The following PCNX2 variants were observed in gnomAD, a reference collection of about 807,000 sequenced individuals.
The protein encoded by PCNX2 is pecanex-like protein 2.
A neutral mutation model predicts 223.8 loss-of-function variants in PCNX2; 168 were observed. That is an observed-to-expected ratio of 0.75 (90% CI 0.66 to 0.85). The LOEUF is 0.85. Ranked by LOEUF, PCNX2 falls within the 40% of genes least tolerant of loss-of-function variation. The probability of loss-of-function intolerance (pLI) is 0.00; values close to 1 mark genes in which losing one functional copy is unlikely to be tolerated. For synonymous variants in PCNX2, 1,006 were observed against 1,052.6 expected (o/e 0.96, Z 0.86); for missense variants, 2,507 against 2,675.5 (o/e 0.94, Z 1.39).
intron 17 of PCNX2, among the ~76,000 whole-genome samples, chr1:233,174,581 C>A (rs77553530): frequency 0.078 from 11,893 of 151,842 alleles, 677 homozygotes; most frequent in East Asian, 0.31. Context: ...CCAGAAAAAT[C>A]TAGATATTAT....
intron 15 of PCNX2, among the ~76,000 whole-genome samples, chr1:233,187,487 C>CA (rs1464063135): frequency 4.6e-5 from 7 of 152,180 alleles, no homozygotes; most frequent in Non-Finnish European, 8.8e-5. Context: ...CCTCACTCCC[C>CA]ATCAGTCACT....
At chr1:233,025,016 G>A in intron 26 of PCNX2, 130 bp downstream of exon 26, 1 of 1,271,206 alleles carries the variant, frequency 7.9e-7, no homozygotes, top group South Asian at 1.5e-5. Flanking sequence ...TGGTTCCCCA[G>A]ATGGCTGGGT....
chr1:233,016,884 T>TA, intron 27 of PCNX2, 37 bp downstream of exon 27: 4 of 1,583,018 alleles, frequency 2.5e-6, no homozygotes, highest in Non-Finnish European at 2.6e-6. Context: ...TTATTAAACT[T>TA]ACATTCCATG....
At chr1:233,155,067 CAAAAAA>C (rs558141357) in intron 19 of PCNX2, among the ~76,000 whole-genome samples, 4 of 94,996 alleles carry the variant, frequency 4.2e-5, no homozygotes, top group Middle Eastern at 9.0e-3. Context: ...GACTCCGTCT[CAAAAAA>C]AAAAAAAAAA....
At chr1:233,279,358 G>A (rs1426774936) in intron 1 of PCNX2, among the ~76,000 whole-genome samples, 1 of 151,596 alleles carries the variant, frequency 6.6e-6, no homozygotes, top group Non-Finnish European at 1.5e-5. Context: ...GGGATTACAG[G>A]CATGTGCCAC....
the PCNX2 span, among the ~76,000 whole-genome samples, chr1:233,318,555 T>C: frequency 1.2e-3 from 157 of 125,800 alleles, 4 homozygotes; most frequent in East Asian, 0.035. Context: ...CTTTTTCTTT[T>C]TCTTTTTCTT....
intron 17 of PCNX2, among the ~76,000 whole-genome samples, chr1:233,174,022 T>C (rs1679318611): frequency 6.8e-6 from 1 of 147,828 alleles, no homozygotes; most frequent in South Asian, 2.1e-4. Context: ...ACTATTTTGC[T>C]TTTCATTTTA....
At chr1:233,003,449 T>C (rs1251839888) in intron 28 of PCNX2, among the ~76,000 whole-genome samples, 1 of 152,150 alleles carries the variant, frequency 6.6e-6, no homozygotes, top group South Asian at 2.1e-4. Flanking sequence ...AAACCACAAT[T>C]AGATACCATC....
intron 27 of PCNX2, among the ~76,000 whole-genome samples, chr1:233,015,683 ACT>A (rs1670630324): frequency 6.6e-6 from 1 of 151,868 alleles, no homozygotes; most frequent in Admixed American, 6.6e-5. Flanking sequence ...ACAGAGCAAG[ACT>A]CTGTCTCAAA....
At chr1:233,285,660 G>C (rs1490492050) in intron 1 of PCNX2, among the ~76,000 whole-genome samples, 6 of 151,974 alleles carry the variant, frequency 3.9e-5, no homozygotes, top group African/African-American at 1.4e-4. Flanking sequence ...GGGCAACAGA[G>C]AGAGACTCCA....
chr1:233,275,482 C>T (rs892638374), intron 1 of PCNX2, among the ~76,000 whole-genome samples: 7 of 151,924 alleles, frequency 4.6e-5, no homozygotes, highest in Admixed American at 3.9e-4. Context: ...GGATTACAGG[C>T]GTGAGCCACT....
At position 233,145,885 on chromosome 1, in the gene PCNX2, C is replaced by T. The variant is rs114204692; in HGVS notation, c.3518-6030G>A. ...TACTGACGTCCCATGTATGGAATAA[C>T]CATTAGGTGTCTGCCAGACATTGAG... On this transcript the variant is annotated intron_variant, in intron 19 of 33. Transcript: ENST00000258229. Among the ~76,000 whole-genome samples the T allele has an allele frequency of 3.1e-3, 475 of 152,304 alleles. 3 individuals carry two copies. Among genetic ancestry groups the T allele is most frequent in the Non-Finnish European group, 5.6e-3 (379 of 68,020 alleles).
intron 25 of PCNX2, 92 bp downstream of exon 25, chr1:233,054,175 TC>T: frequency 1.7e-6 from 2 of 1,161,370 alleles, no homozygotes; most frequent in Middle Eastern, 2.5e-4. Context: ...ATTAAGTTTT[TC>T]CTGTTTAACA....
the PCNX2 span, among the ~76,000 whole-genome samples, chr1:233,309,543 A>AATAATAAT: frequency 6.8e-6 from 1 of 146,640 alleles, no homozygotes; most frequent in Non-Finnish European, 1.5e-5. Context: ...TCCCTCAAAA[A>AATAATAAT]AATAATAATA....
chr1:233,259,533 T>A (rs1212682453), intron 4 of PCNX2, among the ~76,000 whole-genome samples, 189 bp from the exon 5 acceptor site: 1 of 152,224 alleles, frequency 6.6e-6, no homozygotes, highest in Admixed American at 6.5e-5. Context: ...GGTATACATG[T>A]ACCATGGTGG....
intron 25 of PCNX2, among the ~76,000 whole-genome samples, chr1:233,040,379 C>T (rs1332855001): frequency 1.3e-5 from 2 of 152,182 alleles, no homozygotes; most frequent in Non-Finnish European, 2.9e-5. Context: ...GCTGCTTTAC[C>T]GCATGCAGTT....
chr1:233,288,588 A>G lies in PCNX2; in HGVS notation c.153+6738T>C, dbSNP rs143088128. Among the ~76,000 whole-genome samples, 386 of 152,282 alleles carry G rather than the reference A, an allele frequency of 2.5e-3. 2 individuals carry two copies. The highest frequency in any genetic ancestry group is 0.024 in the Middle Eastern group (7 of 294). ...AAGAGAGCAACTGACTCAAGAAAATAATTATCAATTTGAAAAGACTGTTGC... is the reference window on the plus strand; with the variant it reads ...AAGAGAGCAACTGACTCAAGAAAATGATTATCAATTTGAAAAGACTGTTGC... On this transcript the variant is annotated intron_variant, in intron 1 of 33. Coordinates refer to ENST00000258229, the MANE Select transcript of PCNX2 (RefSeq NM_014801.4).
intron 17 of PCNX2, among the ~76,000 whole-genome samples, chr1:233,175,869 C>G (rs1036993636): frequency 6.6e-6 from 1 of 152,186 alleles, no homozygotes; most frequent in Non-Finnish European, 1.5e-5. Flanking sequence ...AGTTTGAATT[C>G]TGACCACACT....
At chr1:233,195,807 A>G (rs148358331) in intron 15 of PCNX2, among the ~76,000 whole-genome samples, 1 of 152,248 alleles carries the variant, frequency 6.6e-6, no homozygotes, top group Admixed American at 6.5e-5. Context: ...ACAATATACC[A>G]TGTTCATGGA....
Sources: gnomAD v4.1 joint callset for allele counts (sites outside exome capture counted in the v4.1 genomes callset) on GRCh38, gnomAD v4.1.1 for gene constraint, MANE v1.5 for transcripts, NCBI Gene and HGNC (gene_info 2026-07-23, HGNC 2026-07-21) for gene names.